The following ELAVL3 variants were observed in gnomAD, a reference collection of about 807,000 sequenced individuals.
ELAVL3 encodes ELAV like RNA binding protein 3, also known as ELAV-like protein 3.
Under a neutral mutation model 34.2 loss-of-function variants are expected in ELAVL3, and 8 were observed. That is an observed-to-expected ratio of 0.23 (90% CI 0.14 to 0.42). The LOEUF (loss-of-function observed/expected upper bound fraction) is 0.42, where lower values mean the gene tolerates loss of function less well. ELAVL3 is among the 10% of genes least tolerant of loss of function. The probability of loss-of-function intolerance (pLI) is 1.00; values close to 1 mark genes in which losing one functional copy is unlikely to be tolerated. For missense variants in ELAVL3, 273 were observed against 518.8 expected, an observed-to-expected ratio of 0.53 and a Z score of 4.60; for synonymous variants, 209 against 222.1, an observed-to-expected ratio of 0.94 and a Z score of 0.53.
intron 6 of ELAVL3, among the ~76,000 whole-genome samples, chr19:11,456,355 C>T (rs8112489): frequency 0.015 from 2,235 of 152,150 alleles, 44 homozygotes; most frequent in African/African-American, 0.051. Flanking sequence ...CCGCCTGCCT[C>T]GGCTTCCCAA....
chr19:11,459,234 T>C (rs1396945561), intron 3 of ELAVL3, among the ~76,000 whole-genome samples: 3 of 148,686 alleles, frequency 2.0e-5, no homozygotes, highest in Non-Finnish European at 4.5e-5. Context: ...GCAATTCTCC[T>C]GCCTCAGCCT....
At chr19:11,464,391 G>A (rs554038296) in intron 3 of ELAVL3, among the ~76,000 whole-genome samples, 3 of 151,324 alleles carry the variant, frequency 2.0e-5, no homozygotes, top group Admixed American at 6.6e-5. Context: ...TCAAACTCTC[G>A]GGCTCAAGTG....
At position 11,451,486 on chromosome 19, in the gene ELAVL3, T is replaced by C. The variant is rs1970627228; in HGVS notation, c.*3040A>G. On this transcript the variant is annotated 3_prime_UTR_variant, in exon 7 of 7. Transcript: ENST00000359227. ...GGGTTTTTTTTTTTTTTTTGTCTTTTGTTTTGTCTTTTTTTTTTTTTTTTT... is the reference window on the plus strand; with the variant it reads ...GGGTTTTTTTTTTTTTTTTGTCTTTCGTTTTGTCTTTTTTTTTTTTTTTTT... The C allele has an allele frequency of 6.8e-6, 1 of 147,874 alleles. No homozygotes were observed. Among genetic ancestry groups the C allele is most frequent in the Non-Finnish European group, 1.5e-5 (1 of 66,680 alleles). 9.2% of individuals were successfully genotyped at this position (147,874 alleles called of 1,614,324 possible). A position where few individuals can be genotyped will look rare whatever the true frequency, so the allele number is the denominator to read the frequency against.
Position 11,454,886 on chromosome 19 carries a change from G to T in ELAVL3, c.753-9C>A. 1 of 1,585,156 alleles carries T rather than the reference G, an allele frequency of 6.3e-7. No individual in the cohort carries two copies. Among genetic ancestry groups the T allele is most frequent in the South Asian group, 1.1e-5 (1 of 88,886 alleles). The stretch of plus-strand genomic sequence containing the variant: ...CGATGAGCGACAGGGGACTACTTTG[G>T]GGGTCACGCGGGCTCTGCCCTGACC... On this transcript the variant is annotated splice_polypyrimidine_tract_variant and intron_variant, in intron 6 of 6. Transcript: ENST00000359227. The surrounding 1 kb of genome is among the most constrained non-coding windows in gnomAD (Gnocchi z 9.2).
At chr19:11,463,054 G>A (rs1970925121) in intron 3 of ELAVL3, among the ~76,000 whole-genome samples, 1 of 152,118 alleles carries the variant, frequency 6.6e-6, no homozygotes, top group Non-Finnish European at 1.5e-5. Flanking sequence ...TAGGAGCTGT[G>A]AGGGTACTTG....
chr19:11,473,464 C>T (rs2098499070), intron 1 of ELAVL3, among the ~76,000 whole-genome samples: 1 of 152,204 alleles, frequency 6.6e-6, no homozygotes, highest in Non-Finnish European at 1.5e-5. Flanking sequence ...CTGCTGTGGC[C>T]ACACAACTAG....
intron 5 of ELAVL3, among the ~76,000 whole-genome samples, chr19:11,457,605 T>C (rs1252117226): frequency 6.6e-6 from 1 of 152,200 alleles, no homozygotes; most frequent in African/African-American, 2.4e-5. Flanking sequence ...TTTGAGTCTC[T>C]GCTCTGTTTG....
chr19:11,474,435 A>C (rs1021177501), intron 1 of ELAVL3, among the ~76,000 whole-genome samples: 4 of 152,134 alleles, frequency 2.6e-5, no homozygotes, highest in Non-Finnish European at 4.4e-5. Context: ...TCTCTACTAA[A>C]AATACAAAAA....
At position 11,458,686 on chromosome 19, in the gene ELAVL3, A is replaced by C; in HGVS notation, c.334-75T>G. Reference sequence around the variant, plus strand: ...AGATGGAGAGAGTGAGGCCATGTCTAAACCATCACGGAGTTAGCAGAAGTG... The same window carrying C: ...AGATGGAGAGAGTGAGGCCATGTCTCAACCATCACGGAGTTAGCAGAAGTG... On this transcript the variant is annotated intron_variant, in intron 3 of 6. Transcript: ENST00000359227. The surrounding 1 kb of genome is among the most constrained non-coding windows in gnomAD (Gnocchi z 7.3). 1 of 1,568,098 alleles carries C rather than the reference A, an allele frequency of 6.4e-7. No homozygotes were observed.
chr19:11,457,203 TG>T, intron 5 of ELAVL3, 55 bp from the exon 6 acceptor site: 1 of 1,517,508 alleles, frequency 6.6e-7, no homozygotes, highest in Admixed American at 2.2e-5. Flanking sequence ...CCCCCTGCTG[TG>T]ACACCGTCGG....
intron 6 of ELAVL3, among the ~76,000 whole-genome samples, chr19:11,456,462 C>T (rs977522079): frequency 3.3e-5 from 5 of 151,908 alleles, no homozygotes; most frequent in Non-Finnish European, 7.4e-5. Flanking sequence ...TCTCCTCCCC[C>T]ACTAGACTCA....
In ELAVL3 at chr19:11,454,450, T is replaced by G; in HGVS notation, c.*76A>C. ...CCTGTGCTGTCTCTCTTGGGCCCCT[T>G]CTCTCTCTCTCTCTCTCTTTCTCTC... On this transcript the variant is annotated 3_prime_UTR_variant, in exon 7 of 7. Coordinates refer to ENST00000359227, the MANE Select transcript of ELAVL3 (RefSeq NM_001420.4). The surrounding 1 kb of genome is among the most constrained non-coding windows in gnomAD (Gnocchi z 9.2). 9.7e-6 allele frequency: 6 copies of G among 619,976 alleles called. No homozygotes were observed. Among genetic ancestry groups the G allele is most frequent in the East Asian group, 5.8e-5 (1 of 17,154 alleles). 38.4% of individuals were successfully genotyped at this position (619,976 alleles called of 1,614,324 possible). A position where few individuals can be genotyped will look rare whatever the true frequency, so the allele number is the denominator to read the frequency against.
At position 11,458,689 on chromosome 19, in the gene ELAVL3, C is replaced by G; in HGVS notation, c.334-78G>C. 6.4e-7 allele frequency: 1 copy of G among 1,562,730 alleles called. No individual in the cohort carries two copies. Among genetic ancestry groups the G allele is most frequent in the Non-Finnish European group, 8.7e-7 (1 of 1,149,994 alleles). On this transcript the variant is annotated intron_variant, in intron 3 of 6. Coordinates refer to ENST00000359227, the MANE Select transcript of ELAVL3 (RefSeq NM_001420.4). This position sits in a 1 kb window ranked among gnomAD's most constrained non-coding sequence, Gnocchi z 7.3. ...TGGAGAGAGTGAGGCCATGTCTAAA[C>G]CATCACGGAGTTAGCAGAAGTGACC...
Position 11,466,415 on chromosome 19 carries a change from C to A in ELAVL3, c.230-140G>T. ...AGATGACACCTTCGATGCTAGAGTCCCACCTGCCTCCATCGCTCCTGAGAC... is the reference window on the plus strand; with the variant it reads ...AGATGACACCTTCGATGCTAGAGTCACACCTGCCTCCATCGCTCCTGAGAC... On this transcript the variant is annotated intron_variant, in intron 2 of 6. Transcript: ENST00000359227. The surrounding 1 kb of genome is among the most constrained non-coding windows in gnomAD (Gnocchi z 5.0). 1.0e-6 allele frequency: 1 copy of A among 992,478 alleles called. No homozygotes were observed. Among genetic ancestry groups the A allele is most frequent in the South Asian group, 1.5e-5 (1 of 67,728 alleles). The allele number at this position is 992,478 out of a possible 1,614,324, so 61.5% of individuals were successfully genotyped here.
At chr19:11,464,163 A>ATT (rs1970958329) in intron 3 of ELAVL3, among the ~76,000 whole-genome samples, 1 of 107,596 alleles carries the variant, frequency 9.3e-6, no homozygotes, top group African/African-American at 5.3e-5. Flanking sequence ...ATATATATAT[A>ATT]TATATTTTTT....
Position 11,466,646 on chromosome 19 carries a change from T to C in ELAVL3, c.191A>G (p.Asp64Gly). ...CCGAACCAACTTGCAGGACTCGATG[T>C]CGCCAATGCTGCCGAAGAGACTCTT... ...EFKSLFGSIGDIESCKLVRDK... is the reference protein window; with the variant it reads ...EFKSLFGSIGGIESCKLVRDK... The change falls in exon 2 of 7, where the codon GAC (aspartate) becomes GGC (glycine). Residue 64 changes from aspartate to glycine, a missense_variant. Coordinates refer to ENST00000359227, the MANE Select transcript of ELAVL3 (RefSeq NM_001420.4). The surrounding 1 kb of genome is among the most constrained non-coding windows in gnomAD (Gnocchi z 5.0). 1.2e-6 allele frequency: 2 copies of C among 1,614,206 alleles called. No homozygotes were observed. The highest frequency in any genetic ancestry group is 1.7e-6 in the Non-Finnish European group (2 of 1,180,026).
In ELAVL3 at chr19:11,458,259, C is replaced by T. The variant is rs763101515; in HGVS notation, c.515G>A (p.Arg172His). The T allele has an allele frequency of 6.2e-7, 1 of 1,613,832 alleles. No individual in the cohort carries two copies. Among genetic ancestry groups the T allele is most frequent in the Non-Finnish European group, 8.5e-7 (1 of 1,180,052 alleles). Residue 172 changes from arginine (R) to histidine (H), a missense_variant, in exon 5 of 7, where the codon CGC (arginine) becomes CAC (histidine). Transcript: ENST00000359227. This position sits in a 1 kb window ranked among gnomAD's most constrained non-coding sequence, Gnocchi z 7.3. ...TTCGGCCTCAATCCTCTTGTCAAAG[C>T]GGATGAATCCCACACCCCGAGAGAC... Reference protein sequence around the residue: ...TGVSRGVGFIRFDKRIEAEEA... With the variant: ...TGVSRGVGFIHFDKRIEAEEA...
At position 11,466,066 on chromosome 19, in the gene ELAVL3, A is replaced by G. The variant is rs1971046443; in HGVS notation, c.333+106T>C. 9.7e-7 allele frequency: 1 copy of G among 1,028,336 alleles called. No individual in the cohort carries two copies. Among genetic ancestry groups the G allele is most frequent in the South Asian group, 1.4e-5 (1 of 70,992 alleles). 63.7% of individuals were successfully genotyped at this position (1,028,336 alleles called of 1,614,324 possible). A position where few individuals can be genotyped will look rare whatever the true frequency, so the allele number is the denominator to read the frequency against. On this transcript the variant is annotated intron_variant, in intron 3 of 6. Transcript: ENST00000359227. The surrounding 1 kb of genome is among the most constrained non-coding windows in gnomAD (Gnocchi z 5.0). Reference sequence around the variant, plus strand: ...TGAGCCCCTCTGGGGATGAGTCCTGAAAGGCAGTGGACATGGATGCATGGG... The same window carrying G: ...TGAGCCCCTCTGGGGATGAGTCCTGGAAGGCAGTGGACATGGATGCATGGG...
Position 11,454,725 on chromosome 19 carries a change from T to C in ELAVL3, c.905A>G (p.Gln302Arg). ...SPEADESVLWQLFGPFGAVTN... is the reference protein window; with the variant it reads ...SPEADESVLWRLFGPFGAVTN... The stretch of plus-strand genomic sequence containing the variant: ...GACTGCCCCAAAAGGCCCGAACAGC[T>C]GCCACAGCACGCTCTCGTCTGCCTC... Residue 302 changes from glutamine (Q) to arginine (R), a missense_variant, in exon 7 of 7, where the codon CAG (glutamine) becomes CGG (arginine). Coordinates refer to ENST00000359227, the MANE Select transcript of ELAVL3 (RefSeq NM_001420.4). This position sits in a 1 kb window ranked among gnomAD's most constrained non-coding sequence, Gnocchi z 9.2. 3 of 1,614,170 alleles carry C rather than the reference T, an allele frequency of 1.9e-6. No homozygotes were observed. The highest frequency in any genetic ancestry group is 2.5e-6 in the Non-Finnish European group (3 of 1,180,004).
Sources: allele counts gnomAD v4.1 joint callset (sites outside exome capture counted in the v4.1 genomes callset), GRCh38; gene constraint gnomAD v4.1.1; non-coding constraint Gnocchi (gnomAD v3.1); transcripts MANE v1.5; gene names NCBI Gene and HGNC (gene_info 2026-07-23, HGNC 2026-07-21).